MEGF11: variants seen among roughly 807,000 people sequenced by gnomAD.
MEGF11 encodes the protein multiple EGF like domains 11, also known as multiple epidermal growth factor-like domains protein 11.
Under a neutral mutation model 146.6 loss-of-function variants are expected in MEGF11, and 126 were observed. The observed-to-expected ratio is 0.86, with a 90% CI of 0.74 to 1.00. The LOEUF is 1.00. Ranked by LOEUF, MEGF11 falls within the 50% of genes least tolerant of loss-of-function variation. The pLI, the probability that MEGF11 is intolerant of heterozygous loss-of-function variation, is 0.00. For missense variants in MEGF11, 1,509 were observed against 1,521.2 expected (o/e 0.99, Z 0.13); for synonymous variants, 532 against 583.4 (o/e 0.91, Z 1.27).
At chr15:65,922,183 G>A in intron 15 of MEGF11, 155 bp downstream of exon 15, 1 of 800,652 alleles carries the variant, frequency 1.2e-6, no homozygotes, top group Non-Finnish European at 2.0e-6. Flanking sequence ...CATGCCATGT[G>A]GGGCTCAATT....
At chr15:66,168,907 G>C (rs1028862362) in intron 1 of MEGF11, among the ~76,000 whole-genome samples, 1 of 152,234 alleles carries the variant, frequency 6.6e-6, no homozygotes, top group African/African-American at 2.4e-5. Flanking sequence ...AGAATTGCTT[G>C]AACCCGGGAG....
At chr15:65,948,199 G>A (rs2080267215) in intron 10 of MEGF11, among the ~76,000 whole-genome samples, 1 of 152,102 alleles carries the variant, frequency 6.6e-6, no homozygotes, top group Non-Finnish European at 1.5e-5. Flanking sequence ...CTCATGAGAT[G>A]GAGGTAAAGG....
intron 1 of MEGF11, among the ~76,000 whole-genome samples, chr15:66,184,790 C>T (rs115526130): frequency 0.013 from 2,031 of 151,926 alleles, 43 homozygotes; most frequent in African/African-American, 0.045. Flanking sequence ...CTCCCACCCC[C>T]AACCCCCTTC....
Position 66,196,336 on chromosome 15 carries a change from GTGTC to G in MEGF11, c.-9+57265_-9+57268del, listed in dbSNP as rs544841025. On this transcript the variant is annotated intron_variant, in intron 1 of 25. Coordinates refer to ENST00000395614, the MANE Select transcript of MEGF11 (RefSeq NM_001385028.1). The stretch of plus-strand genomic sequence containing the variant: ...AAAATACAAAAATTAGCCGGGCATG[GTGTC>G]GGGCGCCTGTAATCCCAGCTACTCG... Among the ~76,000 whole-genome samples, 468 of 152,254 alleles carry G rather than the reference GTGTC, an allele frequency of 3.1e-3. 2 individuals are homozygous for G. The highest frequency in any genetic ancestry group is 0.011 in the African/African-American group (439 of 41,534).
At chr15:66,057,866 G>A (rs2140389776) in intron 5 of MEGF11, among the ~76,000 whole-genome samples, 1 of 152,122 alleles carries the variant, frequency 6.6e-6, no homozygotes, top group East Asian at 1.9e-4. Flanking sequence ...CTTTCAGCAG[G>A]GTCTTCTCAA....
intron 1 of MEGF11, among the ~76,000 whole-genome samples, chr15:66,143,212 A>C (rs1240015995): frequency 2.0e-5 from 3 of 152,238 alleles, no homozygotes; most frequent in African/African-American, 4.8e-5. Flanking sequence ...TGGTGGTGGG[A>C]AGAGACTTGC....
chr15:65,989,807 G>C (rs1041998159), intron 5 of MEGF11, among the ~76,000 whole-genome samples: 5 of 152,178 alleles, frequency 3.3e-5, no homozygotes, highest in Non-Finnish European at 5.9e-5. Context: ...TTCTTGCCTG[G>C]AGTAGGTCAC....
chr15:65,928,084 G>T (rs1322364706), intron 13 of MEGF11, among the ~76,000 whole-genome samples: 1 of 152,184 alleles, frequency 6.6e-6, no homozygotes, highest in African/African-American at 2.4e-5. Context: ...TGACAGGATA[G>T]ATATAAGGAC....
In MEGF11 at chr15:65,982,184, ACCCTCCAGGTCCCGC is replaced by A. The variant is rs796410622; in HGVS notation, c.641+43_641+57del. ...CCTCCTCTACCCTCCCCACCCAGGC[ACCCTCCAGGTCCCGC>A]CCCTCCAGGTCCCGCCCCTCCAGGT... On this transcript the variant is annotated intron_variant, in intron 6 of 25. Transcript: ENST00000395614. The surrounding 1 kb of genome is among the most constrained non-coding windows in gnomAD (Gnocchi z 5.6). The A allele has an allele frequency of 5.6e-3, 5,376 of 959,288 alleles. 124 individuals are homozygous for A. The African/African-American group carries it at 0.068, about 12-fold the overall frequency. The allele number at this position is 959,288 out of a possible 1,614,324, so 59.4% of individuals were successfully genotyped here.
chr15:66,135,884 C>T (rs375730139), intron 1 of MEGF11, among the ~76,000 whole-genome samples: 2 of 152,216 alleles, frequency 1.3e-5, no homozygotes, highest in South Asian at 2.1e-4. Context: ...TGCTTAACCT[C>T]TCTGAGTTTC....
intron 1 of MEGF11, among the ~76,000 whole-genome samples, chr15:66,198,108 T>C (rs1244929958): frequency 2.0e-5 from 3 of 152,202 alleles, no homozygotes; most frequent in Non-Finnish European, 4.4e-5. Context: ...CCAATTTTAA[T>C]CAAAGGCATT....
chr15:65,972,784 A>G (rs2081334553), intron 7 of MEGF11, among the ~76,000 whole-genome samples: 1 of 152,168 alleles, frequency 6.6e-6, no homozygotes, highest in African/African-American at 2.4e-5. Context: ...CCTTCCATAA[A>G]CACTTTCTCA....
chr15:65,936,923 A>G (rs2079808917), intron 10 of MEGF11, among the ~76,000 whole-genome samples: 1 of 152,214 alleles, frequency 6.6e-6, no homozygotes, highest in South Asian at 2.1e-4. Context: ...GAGAAAGGAA[A>G]GCCAGGAGAT....
At chr15:66,068,681 C>T (rs570307876) in intron 5 of MEGF11, among the ~76,000 whole-genome samples, 1 of 152,298 alleles carries the variant, frequency 6.6e-6, no homozygotes, top group African/African-American at 2.4e-5. Flanking sequence ...TTCCATCAGG[C>T]CATTGTCATG....
intron 1 of MEGF11, among the ~76,000 whole-genome samples, chr15:66,247,269 G>C (rs2092309273): frequency 6.6e-6 from 1 of 152,082 alleles, no homozygotes; most frequent in Admixed American, 6.6e-5. Context: ...TGATGGTCTA[G>C]TCCTCACATG....
intron 8 of MEGF11, among the ~76,000 whole-genome samples, chr15:65,969,991 C>T (rs994093744): frequency 6.6e-6 from 1 of 152,146 alleles, no homozygotes; most frequent in East Asian, 1.9e-4. Context: ...CTCCTTCTTC[C>T]CGCTGTGGCA....
chr15:66,219,837 A>C (rs2091687347), intron 1 of MEGF11, among the ~76,000 whole-genome samples: 1 of 152,182 alleles, frequency 6.6e-6, no homozygotes, highest in African/African-American at 2.4e-5. Context: ...AATAGCCCAA[A>C]CCTGTAAATA....
In MEGF11 at chr15:65,922,462, A is replaced by C. The variant is rs762081537; in HGVS notation, c.1833T>G (p.Pro611=). The change falls in exon 15 of 26, where the codon CCT becomes CCG. Residue 611 remains proline (P), a synonymous_variant. Coordinates refer to ENST00000395614, the MANE Select transcript of MEGF11 (RefSeq NM_001385028.1). ...GGGCGCAGCCGTGGCCATAGAACCCAGGGGGGCAGACTGAGGGTGAAGGGA... is the reference window on the plus strand; with the variant it reads ...GGGCGCAGCCGTGGCCATAGAACCCCGGGGGGCAGACTGAGGGTGAAGGGA... ...RGPLCQRICP[P]GFYGHGCAQP... 3.2e-5 allele frequency: 51 copies of C among 1,573,826 alleles called. No homozygotes were observed. The highest frequency in any genetic ancestry group is 4.2e-5 in the Non-Finnish European group (49 of 1,160,152).
chr15:66,126,496 T>C (rs1488521552), intron 2 of MEGF11, among the ~76,000 whole-genome samples: 1 of 152,200 alleles, frequency 6.6e-6, no homozygotes, highest in Non-Finnish European at 1.5e-5. Flanking sequence ...CCAAATGTAT[T>C]CATGTTGGGC....
Sources: allele counts gnomAD v4.1 joint callset (sites outside exome capture counted in the v4.1 genomes callset), GRCh38; gene constraint gnomAD v4.1.1; non-coding constraint Gnocchi (gnomAD v3.1); transcripts MANE v1.5; gene names NCBI Gene and HGNC (gene_info 2026-07-23, HGNC 2026-07-21).